The following EVI5 variants were observed in gnomAD, a reference collection of about 807,000 sequenced individuals.
The protein encoded by EVI5 is ecotropic viral integration site 5, also known as ecotropic viral integration site 5 protein homolog.
Under a neutral mutation model 112.0 loss-of-function variants are expected in EVI5, and 73 were observed. That is an observed-to-expected ratio of 0.65 (90% CI 0.54 to 0.79). The LOEUF (loss-of-function observed/expected upper bound fraction) is 0.79, where lower values mean the gene tolerates loss of function less well. EVI5 is among the 30% of genes least tolerant of loss of function. The pLI is 0.00. For synonymous variants in EVI5, 305 were observed against 319.9 expected (o/e 0.95, Z 0.50); for missense variants, 900 against 968.8 (o/e 0.93, Z 0.94).
intron 1 of EVI5, among the ~76,000 whole-genome samples, chr1:92,767,435 G>A (rs1296510492): frequency 6.6e-6 from 1 of 152,128 alleles, no homozygotes; most frequent in Non-Finnish European, 1.5e-5. Context: ...CACAGTTTCA[G>A]GTATCACTAG....
intron 9 of EVI5, among the ~76,000 whole-genome samples, chr1:92,683,832 G>A (rs756520405): frequency 2.6e-5 from 4 of 151,896 alleles, no homozygotes; most frequent in South Asian, 4.2e-4. Flanking sequence ...GAAATAAAAC[G>A]AAAAGACAAG....
intron 1 of EVI5, among the ~76,000 whole-genome samples, chr1:92,774,965 A>T (rs1369214770): frequency 6.6e-6 from 1 of 152,222 alleles, no homozygotes; most frequent in Non-Finnish European, 1.5e-5. Context: ...AACAACAATT[A>T]ATCAATCTAC....
chr1:92,533,443 T>A (rs1663260671), intron 19 of EVI5, among the ~76,000 whole-genome samples: 1 of 152,128 alleles, frequency 6.6e-6, no homozygotes, highest in Middle Eastern at 3.2e-3. Context: ...GAGGCCAGCA[T>A]CATCCTGATA....
At chr1:92,552,349 C>T (rs1185762737) in intron 19 of EVI5, among the ~76,000 whole-genome samples, 1 of 152,150 alleles carries the variant, frequency 6.6e-6, no homozygotes, top group Non-Finnish European at 1.5e-5. Flanking sequence ...GATATAACAA[C>T]CATTAATTAG....
chr1:92,656,537 T>C (rs1021228284), intron 13 of EVI5, among the ~76,000 whole-genome samples: 2 of 151,112 alleles, frequency 1.3e-5, no homozygotes, highest in African/African-American at 4.9e-5. Flanking sequence ...ACAAAGACCA[T>C]AGCAGAACTA....
intron 1 of EVI5, among the ~76,000 whole-genome samples, chr1:92,768,474 C>T (rs2103028104): frequency 6.6e-6 from 1 of 152,354 alleles, no homozygotes; most frequent in South Asian, 2.1e-4. Context: ...AGTCAGAAGA[C>T]TTCCGTCAGA....
At chr1:92,743,563 T>C (rs1238866671) in intron 1 of EVI5, among the ~76,000 whole-genome samples, 4 of 152,232 alleles carry the variant, frequency 2.6e-5, no homozygotes, top group African/African-American at 9.6e-5. Flanking sequence ...AGAGTTTCTT[T>C]GGAAAGATGA....
chr1:92,603,512 T>C (rs182502132), intron 18 of EVI5, among the ~76,000 whole-genome samples: 249 of 152,262 alleles, frequency 1.6e-3, no homozygotes, highest in Middle Eastern at 0.014. Context: ...TATTCAGCTT[T>C]AAAAATGAAG....
At chr1:92,535,955 T>G (rs557611593) in intron 19 of EVI5, among the ~76,000 whole-genome samples, 1 of 152,226 alleles carries the variant, frequency 6.6e-6, no homozygotes, top group African/African-American at 2.4e-5. Context: ...TCCCACCCTT[T>G]TAAATGCTGA....
At chr1:92,769,345 T>G (rs115377050) in intron 1 of EVI5, among the ~76,000 whole-genome samples, 1 of 152,226 alleles carries the variant, frequency 6.6e-6, no homozygotes, top group Non-Finnish European at 1.5e-5. Context: ...TAGGTATATA[T>G]GTAATGTTTT....
intron 19 of EVI5, among the ~76,000 whole-genome samples, chr1:92,561,342 T>C (rs562786023): frequency 6.6e-6 from 1 of 152,276 alleles, no homozygotes; most frequent in South Asian, 2.1e-4. Context: ...AAGGTTTTTT[T>C]TCCTTTCTTT....
intron 19 of EVI5, among the ~76,000 whole-genome samples, chr1:92,534,295 G>A (rs1663419203): frequency 6.6e-6 from 1 of 152,142 alleles, no homozygotes; most frequent in Admixed American, 6.5e-5. Flanking sequence ...ACAAACAAAT[G>A]GAAAAACATT....
intron 1 of EVI5, among the ~76,000 whole-genome samples, chr1:92,745,017 A>AC (rs1469845715): frequency 2.0e-5 from 3 of 151,210 alleles, no homozygotes; most frequent in Non-Finnish European, 4.4e-5. Context: ...TGCAGTCTCA[A>AC]CCTCCCAAGC....
Position 92,736,598 on chromosome 1 carries a change from C to T in EVI5, c.-52G>A, listed in dbSNP as rs1415873261. On this transcript the variant is annotated 5_prime_UTR_variant, in exon 2 of 20. Coordinates refer to ENST00000684568, the MANE Select transcript of EVI5 (RefSeq NM_001350197.2). ...TCTTCACCCATGAGAGAGTAGAGCT[C>T]AGCTTTTCTGCAACTTTGTCTGTCG... The T allele has an allele frequency of 5.0e-6, 8 of 1,613,932 alleles. No individual in the cohort carries two copies. In the South Asian group the frequency reaches 7.7e-5, roughly 16 times the overall value.
chr1:92,586,763 C>CT (rs1053108244), intron 18 of EVI5, among the ~76,000 whole-genome samples: 2 of 150,158 alleles, frequency 1.3e-5, no homozygotes, highest in Non-Finnish European at 3.0e-5. Flanking sequence ...TATTATTATA[C>CT]TTTAAGTTTT....
At chr1:92,557,260 A>T (rs1192020533) in intron 19 of EVI5, among the ~76,000 whole-genome samples, 1 of 151,750 alleles carries the variant, frequency 6.6e-6, no homozygotes, top group Non-Finnish European at 1.5e-5. Context: ...CTTTATCTTG[A>T]AATAGCTTAC....
intron 1 of EVI5, among the ~76,000 whole-genome samples, chr1:92,759,620 CT>C (rs1240995357): frequency 6.6e-6 from 1 of 152,140 alleles, no homozygotes; most frequent in Admixed American, 6.5e-5. Context: ...ATCCATTTCC[CT>C]TTCTTGCATC....
chr1:92,645,407 A>G (rs541162475), intron 13 of EVI5, among the ~76,000 whole-genome samples: 36 of 152,282 alleles, frequency 2.4e-4, no homozygotes, highest in African/African-American at 7.9e-4. Flanking sequence ...TCCAATAATT[A>G]TAGGCAGACC....
chr1:92,528,566 T>C (rs1027886678), intron 19 of EVI5, among the ~76,000 whole-genome samples: 24 of 152,206 alleles, frequency 1.6e-4, no homozygotes, highest in African/African-American at 5.5e-4. Flanking sequence ...ATGTTTACAA[T>C]AGTCAAATGC....
Sources: allele counts gnomAD v4.1 joint callset (sites outside exome capture counted in the v4.1 genomes callset), GRCh38; gene constraint gnomAD v4.1.1; transcripts MANE v1.5; gene names NCBI Gene and HGNC (gene_info 2026-07-23, HGNC 2026-07-21).